ZP3: variants seen among roughly 807,000 people sequenced by gnomAD.
ZP3 encodes the protein zona pellucida glycoprotein 3.
Under a neutral mutation model 35.6 loss-of-function variants are expected in ZP3, and 21 were observed. The ratio of observed to expected loss-of-function variants is 0.59; its 90% confidence interval spans 0.42 to 0.85. The LOEUF (loss-of-function observed/expected upper bound fraction) is 0.85, where lower values mean the gene tolerates loss of function less well. Ranked by LOEUF, ZP3 falls within the 40% of genes least tolerant of loss-of-function variation. ZP3 has a pLI of 0.00. For synonymous variants in ZP3, 207 were observed against 214.5 expected (o/e 0.96, Z 0.31); for missense variants, 437 against 536.5 (o/e 0.81, Z 1.83).
intron 2 of ZP3, among the ~76,000 whole-genome samples, chr7:76,432,607 C>T (rs966751256): frequency 1.8e-4 from 27 of 152,110 alleles, no homozygotes; most frequent in African/African-American, 6.3e-4. Flanking sequence ...TGAGCCACCG[C>T]ACTCAGGTCC....
At chr7:76,426,900 ACACACAC>A (rs1563697893) in intron 1 of ZP3, among the ~76,000 whole-genome samples, 5 of 142,404 alleles carry the variant, frequency 3.5e-5, no homozygotes, top group East Asian at 2.2e-4. Context: ...ACACACACAC[ACACACAC>A]AATAGGGTGT....
At chr7:76,432,481 G>A (rs1446587204) in intron 2 of ZP3, among the ~76,000 whole-genome samples, 4 of 152,062 alleles carry the variant, frequency 2.6e-5, no homozygotes, top group Non-Finnish European at 5.9e-5. Flanking sequence ...ACCGTGCCTG[G>A]CCTCTTTTCT....
intron 1 of ZP3, chr7:76,397,971 G>C: frequency 2.3e-6 from 2 of 871,590 alleles, no homozygotes; most frequent in Non-Finnish European, 3.4e-6. Flanking sequence ...CGCCTCCTTG[G>C]TCCAGACTGG....
At chr7:76,432,241 T>C (rs1223521838) in intron 2 of ZP3, among the ~76,000 whole-genome samples, 1 of 151,632 alleles carries the variant, frequency 6.6e-6, no homozygotes, top group Non-Finnish European at 1.5e-5. Context: ...CAGGCTGGAG[T>C]GCAGTGGTGT....
At position 76,412,860 on chromosome 7, in the gene ZP3, A is replaced by G. The variant is rs1805282442; in HGVS notation, c.-66-12192A>G. Among the ~76,000 whole-genome samples the G allele has an allele frequency of 3.9e-5, 6 of 151,958 alleles. No individual in the cohort carries two copies. In the South Asian group the frequency reaches 1.0e-3, roughly 26 times the overall value. On this transcript the variant is annotated intron_variant, in intron 1 of 8. Coordinates refer to the ZP3 transcript ENST00000336517. The stretch of plus-strand genomic sequence containing the variant: ...GCAAAACTCCGTCTCAGAAAGAAAA[A>G]AAAAAAAGATGTAAACATTGAGGAA...
At chr7:76,435,011 G>T (rs1439563912) in intron 5 of ZP3, among the ~76,000 whole-genome samples, 2 of 152,216 alleles carry the variant, frequency 1.3e-5, no homozygotes, top group Non-Finnish European at 2.9e-5. Flanking sequence ...AGGAAGTGCA[G>T]GTGCAAGGAC....
Position 76,424,982 on chromosome 7 carries a change from G to A in ZP3, c.18G>A (p.Arg6=). The A allele has an allele frequency of 1.3e-6, 2 of 1,544,906 alleles. No individual in the cohort carries two copies. Among genetic ancestry groups the A allele is most frequent in the Non-Finnish European group, 1.7e-6 (2 of 1,146,588 alleles). The change falls in exon 1 of 8, where the codon AGG becomes AGA. Residue 6 remains arginine, a synonymous_variant. Coordinates refer to ENST00000394857, the MANE Select transcript of ZP3 (RefSeq NM_001110354.2). MELSY[R]LFICLLLWGS... ...CAGGTACCATGGAGCTGAGCTATAG[G>A]CTCTTCATCTGCCTCCTGCTCTGGG...
intron 1 of ZP3, chr7:76,404,202 A>G: frequency 7.1e-7 from 1 of 1,412,442 alleles, no homozygotes; most frequent in Admixed American, 2.9e-5. Context: ...GGAAAGAACA[A>G]CAGGAACGAG....
chr7:76,438,538 G>GGAAA (rs1554626485), intron 5 of ZP3, among the ~76,000 whole-genome samples: 10 of 88,558 alleles, frequency 1.1e-4, no homozygotes, highest in African/African-American at 3.3e-4. Context: ...CTCCGTCTCA[G>GGAAA]AAAAAAAAAA....
chr7:76,408,528 A>G (rs1315629623), intron 1 of ZP3, among the ~76,000 whole-genome samples: 2 of 151,908 alleles, frequency 1.3e-5, no homozygotes, highest in African/African-American at 4.8e-5. Context: ...ATCAGCCCCC[A>G]CCCTGGGGAC....
At chr7:76,400,569 G>A in intron 1 of ZP3, 2 of 1,486,020 alleles carry the variant, frequency 1.3e-6, no homozygotes, top group Non-Finnish European at 1.8e-6. Flanking sequence ...GGCAGCGGCT[G>A]GGGCCCCCCA....
At chr7:76,405,602 G>T (rs1020559878) in intron 1 of ZP3, among the ~76,000 whole-genome samples, 1 of 151,816 alleles carries the variant, frequency 6.6e-6, no homozygotes, top group African/African-American at 2.4e-5. Context: ...AAAGTTCCAA[G>T]TGTTTACTTC....
intron 1 of ZP3, among the ~76,000 whole-genome samples, chr7:76,426,308 G>C (rs1805649815): frequency 6.6e-6 from 1 of 152,276 alleles, no homozygotes; most frequent in East Asian, 1.9e-4. Flanking sequence ...CGGCAGGGCA[G>C]GGCTGGGCAC....
intron 1 of ZP3, chr7:76,397,943 C>T (rs950313843): frequency 3.6e-6 from 4 of 1,110,892 alleles, no homozygotes; most frequent in African/African-American, 3.2e-5. Flanking sequence ...CATCTGCTCA[C>T]CCCGCTGCCC....
intron 1 of ZP3, 57 bp from the exon 2 acceptor site, chr7:76,429,458 T>C: frequency 6.4e-7 from 1 of 1,561,614 alleles, no homozygotes; most frequent in Non-Finnish European, 8.8e-7. Flanking sequence ...CAGGTATGGC[T>C]TGGGAGTACC....
rs549555692 is a variant in ZP3, at chr7:76,417,349, G to A, written c.-66-7703G>A. Among the ~76,000 whole-genome samples the A allele has an allele frequency of 6.0e-5, 9 of 150,612 alleles. No individual in the cohort carries two copies. The South Asian group carries it at 6.3e-4, about 11-fold the overall frequency. ...ACTGGGATTACAGGCGTGAGCCACCGTGCCCGGCCTCATATCCCTAACTTT... is the reference window on the plus strand; with the variant it reads ...ACTGGGATTACAGGCGTGAGCCACCATGCCCGGCCTCATATCCCTAACTTT... On this transcript the variant is annotated intron_variant, in intron 1 of 8. Transcript: ENST00000336517.
intron 1 of ZP3, among the ~76,000 whole-genome samples, chr7:76,427,050 CTT>C (rs1805685017): frequency 2.0e-5 from 3 of 151,960 alleles, no homozygotes; most frequent in South Asian, 4.1e-4. Flanking sequence ...GCAAGACCCT[CTT>C]TTATTAACCC....
intron 5 of ZP3, among the ~76,000 whole-genome samples, chr7:76,438,680 A>AC (rs1169318409): frequency 1.6e-4 from 23 of 146,100 alleles, no homozygotes; most frequent in East Asian, 4.1e-4. Flanking sequence ...GGGTGGGTAA[A>AC]CGTTTCCCAG....
chr7:76,417,160 C>T (rs930873348), intron 1 of ZP3, among the ~76,000 whole-genome samples: 43 of 151,866 alleles, frequency 2.8e-4, no homozygotes, highest in African/African-American at 9.7e-4. Flanking sequence ...CAGGTTCACG[C>T]GATTCTCCTG....
Sources: allele counts gnomAD v4.1 joint callset (sites outside exome capture counted in the v4.1 genomes callset), GRCh38; gene constraint gnomAD v4.1.1; transcripts MANE v1.5; gene names NCBI Gene and HGNC (gene_info 2026-07-23, HGNC 2026-07-21).